Variants in CYB5R4 observed in about 807,000 individuals in gnomAD.
CYB5R4 encodes cytochrome b5 reductase 4.
CYB5R4 carries 55 observed loss-of-function variants against 70.2 expected under a neutral mutation model. The ratio of observed to expected loss-of-function variants is 0.78; its 90% confidence interval spans 0.63 to 0.98. The LOEUF (loss-of-function observed/expected upper bound fraction) is 0.98. Ranked by LOEUF, CYB5R4 falls within the 50% of genes least tolerant of loss-of-function variation. CYB5R4 has a pLI of 0.00. For synonymous variants in CYB5R4, 197 were observed against 199.5 expected (o/e 0.99, Z 0.11); for missense variants, 562 against 612.6 (o/e 0.92, Z 0.87).
chr6:83,960,952 A>G lies in CYB5R4; in HGVS notation c.*1074A>G, dbSNP rs2099473237. On this transcript the variant is annotated 3_prime_UTR_variant, in exon 16 of 16. Transcript: ENST00000369681. ...GAAACTGTTGAATGCATAGGTAGCTACTGTATAAGCTAACTAGGATTTTTC... is the reference window on the plus strand; with the variant it reads ...GAAACTGTTGAATGCATAGGTAGCTGCTGTATAAGCTAACTAGGATTTTTC... 1 of 152,218 alleles carries G rather than the reference A, an allele frequency of 6.6e-6. No homozygotes were observed. The highest frequency in any genetic ancestry group is 1.5e-5 in the Non-Finnish European group (1 of 68,032). The allele number at this position is 152,218 out of a possible 1,614,324, so 9.4% of individuals were successfully genotyped here.
chr6:83,949,885 G>A (rs2099471258), intron 14 of CYB5R4, among the ~76,000 whole-genome samples: 1 of 152,150 alleles, frequency 6.6e-6, no homozygotes, highest in African/African-American at 2.4e-5. Context: ...ATTTGGACAT[G>A]GGAATCAATG....
intron 10 of CYB5R4, among the ~76,000 whole-genome samples, chr6:83,925,040 T>C (rs866252054): frequency 2.6e-5 from 4 of 152,202 alleles, no homozygotes; most frequent in Non-Finnish European, 4.4e-5. Flanking sequence ...CACATGGCTA[T>C]AAAGAAATGC....
intron 4 of CYB5R4, chr6:83,910,087 G>C (rs751207264): frequency 2.8e-5 from 45 of 1,610,404 alleles, no homozygotes; most frequent in Admixed American, 1.2e-4. Flanking sequence ...GGCACCTGTA[G>C]AGCTGAGGAT....
chr6:83,876,072 C>T lies in CYB5R4; in HGVS notation c.229+11744C>T, dbSNP rs1413381281. On this transcript the variant is annotated intron_variant, in intron 2 of 15. Coordinates refer to ENST00000369681, the MANE Select transcript of CYB5R4 (RefSeq NM_016230.4). ...ACCCAGCTGAGGGACTTCCATGTTT[C>T]GTGTTTCCATATTGTTGGCTCCTGG... Among the ~76,000 whole-genome samples, 7 of 152,120 alleles carry T rather than the reference C, an allele frequency of 4.6e-5. No homozygotes were observed. In the South Asian group the frequency reaches 1.0e-3, roughly 23 times the overall value.
intron 2 of CYB5R4, among the ~76,000 whole-genome samples, chr6:83,871,577 G>A (rs947829191): frequency 6.6e-6 from 1 of 151,894 alleles, no homozygotes; most frequent in Non-Finnish European, 1.5e-5. Context: ...GTTCTGTTTG[G>A]TTGACACAGT....
At chr6:83,951,934 C>G (rs1312414257) in intron 14 of CYB5R4, among the ~76,000 whole-genome samples, 1 of 152,156 alleles carries the variant, frequency 6.6e-6, no homozygotes, top group African/African-American at 2.4e-5. Context: ...TCCACGTCCT[C>G]TCCAGCATCT....
intron 2 of CYB5R4, among the ~76,000 whole-genome samples, chr6:83,889,203 G>C (rs751696848): frequency 6.6e-6 from 1 of 152,226 alleles, no homozygotes; most frequent in Admixed American, 6.5e-5. Flanking sequence ...ATCTAGCTAA[G>C]ATCAGTGATG....
At chr6:83,901,868 C>T (rs1047184391) in intron 3 of CYB5R4, among the ~76,000 whole-genome samples, 1 of 151,734 alleles carries the variant, frequency 6.6e-6, no homozygotes, top group African/African-American at 2.4e-5. Flanking sequence ...TTGCCCACTT[C>T]TTAATGGGAT....
intron 15 of CYB5R4, among the ~76,000 whole-genome samples, chr6:83,957,503 C>A (rs958378897): frequency 7.3e-5 from 11 of 151,722 alleles, no homozygotes; most frequent in Non-Finnish European, 1.3e-4. Context: ...CACCTGTGAT[C>A]CCAGCTACTT....
At chr6:83,885,648 G>T (rs762188661) in intron 2 of CYB5R4, among the ~76,000 whole-genome samples, 2 of 152,166 alleles carry the variant, frequency 1.3e-5, no homozygotes, top group Non-Finnish European at 1.5e-5. Context: ...CTGGGTGTGA[G>T]ATTAAGTTGG....
At chr6:83,955,139 G>A (rs1417728448) in intron 14 of CYB5R4, among the ~76,000 whole-genome samples, 159 bp from the exon 15 acceptor site, 1 of 151,910 alleles carries the variant, frequency 6.6e-6, no homozygotes, top group Non-Finnish European at 1.5e-5. Context: ...ATACGTTTTT[G>A]TTAAATCTTA....
At chr6:83,872,183 T>A (rs1229664268) in intron 2 of CYB5R4, among the ~76,000 whole-genome samples, 1 of 152,254 alleles carries the variant, frequency 6.6e-6, no homozygotes, top group Non-Finnish European at 1.5e-5. Context: ...TGCCATTATC[T>A]TTTTGCACAT....
At chr6:83,905,028 T>C (rs1327429295) in intron 3 of CYB5R4, among the ~76,000 whole-genome samples, 1 of 152,078 alleles carries the variant, frequency 6.6e-6, no homozygotes, top group East Asian at 1.9e-4. Flanking sequence ...TCTTTCCTTT[T>C]TTTTTTGTAT....
chr6:83,875,982 A>G lies in CYB5R4; in HGVS notation c.229+11654A>G, dbSNP rs750441114. On this transcript the variant is annotated intron_variant, in intron 2 of 15. Transcript: ENST00000369681. ...CCTCTTTTTCCTAGCCCTCTCTCAA[A>G]ATGGAGTCGCTCTGGTTCGAACGCC... Among the ~76,000 whole-genome samples the G allele has an allele frequency of 4.6e-5, 7 of 152,204 alleles. No individual in the cohort carries two copies. The South Asian group carries it at 1.5e-3, about 32-fold the overall frequency.
rs1376132661 is a variant in CYB5R4, at chr6:83,961,467, GGTAA to G, written c.*1592_*1595del. On this transcript the variant is annotated 3_prime_UTR_variant, in exon 16 of 16. Transcript: ENST00000369681. ...ATTGCCCCCATGCTGTTCTCATGAT[GGTAA>G]GTGAGTTCTCATGAGATCTGATGGT... 1.3e-5 allele frequency: 2 copies of G among 151,822 alleles called. No homozygotes were observed. 9.4% of individuals were successfully genotyped at this position (151,822 alleles called of 1,614,324 possible).
In CYB5R4 at chr6:83,955,354, G is replaced by A. The variant is rs574613776; in HGVS notation, c.1403G>A (p.Gly468Glu). Residue 468 changes from glycine (G) to glutamate (E), a missense_variant, in exon 15 of 16, where the codon GGA becomes GAA. Gly to Glu is a moderately conservative substitution (Grantham distance 98, BLOSUM62 -2). Transcript: ENST00000369681. ...ATTTCTGAATGGAATGGCAAACAGG[G>A]ACATATTTCACCAGCTCTTCTTTCT... ...APISEWNGKQGHISPALLSEF... is the reference protein window; with the variant it reads ...APISEWNGKQEHISPALLSEF... The A allele has an allele frequency of 1.9e-6, 3 of 1,613,894 alleles. No individual in the cohort carries two copies. The East Asian group carries it at 6.7e-5, about 36-fold the overall frequency.
At chr6:83,879,006 C>T (rs1473482545) in intron 2 of CYB5R4, among the ~76,000 whole-genome samples, 1 of 152,114 alleles carries the variant, frequency 6.6e-6, no homozygotes, top group Non-Finnish European at 1.5e-5. Flanking sequence ...AAAGGCAGTG[C>T]TGTTACTTAT....
chr6:83,912,422 T>C (rs1251974785), intron 4 of CYB5R4, among the ~76,000 whole-genome samples: 3 of 152,198 alleles, frequency 2.0e-5, no homozygotes, highest in Non-Finnish European at 4.4e-5. Flanking sequence ...TACTGGATCT[T>C]TCTTTATTCC....
rs1445454606 is a variant in CYB5R4, at chr6:83,901,707, T to G, written c.331-7302T>G. Among the ~76,000 whole-genome samples, 5 of 149,948 alleles carry G rather than the reference T, an allele frequency of 3.3e-5. No individual in the cohort carries two copies. In the East Asian group the frequency reaches 9.7e-4, roughly 29 times the overall value. ...CTCACCAGCGTCTATTATTTCTTGT[T>G]TTTTTTTTTGTAATAGCCATTCTAT... On this transcript the variant is annotated intron_variant, in intron 3 of 15. Coordinates refer to ENST00000369681, the MANE Select transcript of CYB5R4 (RefSeq NM_016230.4).
Sources: allele counts gnomAD v4.1 joint callset (sites outside exome capture counted in the v4.1 genomes callset), GRCh38; gene constraint gnomAD v4.1.1; transcripts MANE v1.5; gene names NCBI Gene and HGNC (gene_info 2026-07-23, HGNC 2026-07-21).